The following PRKCB variants were observed in gnomAD, a reference collection of about 807,000 sequenced individuals.
The protein encoded by PRKCB is protein kinase C beta type.
PRKCB carries 13 observed loss-of-function variants against 81.5 expected under a neutral mutation model. That is an observed-to-expected ratio of 0.16 (90% confidence interval 0.10 to 0.25). The LOEUF is 0.25. Among genes scored for constraint, PRKCB ranks in the 10% least tolerant of loss-of-function variants. PRKCB has a pLI of 1.00. For missense variants in PRKCB, 509 were observed against 875.7 expected, an observed-to-expected ratio of 0.58 and a Z score of 5.29; for synonymous variants, 335 against 321.4, an observed-to-expected ratio of 1.04 and a Z score of -0.45.
chr16:24,153,315 A>G lies in PRKCB; in HGVS notation c.1066-1369A>G, dbSNP rs145371379. ...CTTAATTTCCTGCAATATGGGATTC[A>G]CAATGGCACCTACTTCCTATGATGT... On this transcript the variant is annotated intron_variant, in intron 9 of 16. Transcript: ENST00000643927. Among the ~76,000 whole-genome samples the G allele has an allele frequency of 6.4e-3, 980 of 152,328 alleles. 12 individuals carry two copies. The highest frequency in any genetic ancestry group is 0.022 in the African/African-American group (900 of 41,574).
At chr16:24,024,367 A>T (rs1003895271) in intron 3 of PRKCB, among the ~76,000 whole-genome samples, 1 of 152,172 alleles carries the variant, frequency 6.6e-6, no homozygotes, top group African/African-American at 2.4e-5. Flanking sequence ...AAAGAGTACA[A>T]TGTTTCGGAT....
At chr16:23,855,081 G>A (rs1348794139) in intron 2 of PRKCB, among the ~76,000 whole-genome samples, 3 of 151,916 alleles carry the variant, frequency 2.0e-5, no homozygotes, top group African/African-American at 7.3e-5. Flanking sequence ...CTCCCTAAAA[G>A]CTTGAGATTC....
intron 5 of PRKCB, among the ~76,000 whole-genome samples, chr16:24,084,990 G>A (rs1966294367): frequency 6.6e-6 from 1 of 152,134 alleles, no homozygotes; most frequent in African/African-American, 2.4e-5. Flanking sequence ...CACACAGGAT[G>A]TTGAAGAGAC....
intron 2 of PRKCB, among the ~76,000 whole-genome samples, chr16:23,902,744 T>TCCTCCCTC (rs1567307927): frequency 1.8e-4 from 1 of 5,650 alleles, no homozygotes; most frequent in African/African-American, 6.6e-4. Context: ...CTTCCTTCCT[T>TCCTCCCTC]CCTTCCTTCC....
intron 16 of PRKCB, among the ~76,000 whole-genome samples, chr16:24,196,418 A>G (rs1967880172): frequency 6.6e-6 from 1 of 152,196 alleles, no homozygotes; most frequent in South Asian, 2.1e-4. Flanking sequence ...GATTTTGCAA[A>G]CTGTCATGGC....
At chr16:24,150,134 C>G (rs2141950573) in intron 9 of PRKCB, among the ~76,000 whole-genome samples, 1 of 152,274 alleles carries the variant, frequency 6.6e-6, no homozygotes, top group East Asian at 1.9e-4. Context: ...AGTTTGAGAA[C>G]AGCTGGGGCA....
intron 10 of PRKCB, among the ~76,000 whole-genome samples, chr16:24,159,676 T>A (rs1368129222): frequency 3.3e-5 from 5 of 152,158 alleles, no homozygotes; most frequent in Non-Finnish European, 1.5e-5. Flanking sequence ...TAACTTCACA[T>A]TCCTGGTTTT....
chr16:23,850,802 A>G (rs1248536475), intron 2 of PRKCB, among the ~76,000 whole-genome samples: 1 of 152,002 alleles, frequency 6.6e-6, no homozygotes, highest in Admixed American at 6.5e-5. Flanking sequence ...TATCTTTTTG[A>G]TAAAAGCCAT....
chr16:24,131,015 T>C (rs1383952876), intron 9 of PRKCB, among the ~76,000 whole-genome samples: 1 of 152,188 alleles, frequency 6.6e-6, no homozygotes, highest in Non-Finnish European at 1.5e-5. Flanking sequence ...CACAAAAAAC[T>C]TCAAGTGCCT....
At chr16:23,949,191 A>G (rs1469703388) in intron 2 of PRKCB, among the ~76,000 whole-genome samples, 1 of 152,250 alleles carries the variant, frequency 6.6e-6, no homozygotes, top group Non-Finnish European at 1.5e-5. Context: ...ACCCAGAGAA[A>G]GAAAGAAAAG....
intron 16 of PRKCB, chr16:24,203,338 G>A (rs1173849557): frequency 2.0e-5 from 3 of 148,424 alleles, no homozygotes; most frequent in African/African-American, 5.3e-5. Flanking sequence ...ATCAGGGGCT[G>A]TATCTGGGGA....
rs55986931 is a variant in PRKCB, at chr16:23,950,132, A to AGTTTTTTTTTTTTTTTTTTTTTT, written c.206-38376_206-38375insGTTTTTTTTTTTTTTTTTTTTTT. On this transcript the variant is annotated intron_variant, in intron 2 of 16. Transcript: ENST00000643927. The stretch of plus-strand genomic sequence containing the variant: ...AGCAGCATTGGCCCCTATGATTTGA[A>AGTTTTTTTTTTTTTTTTTTTTTT]TTTTTTTTTTTTTTTTTTTTTTTTT... Among the ~76,000 whole-genome samples, 7 of 97,760 alleles carry AGTTTTTTTTTTTTTTTTTTTTTT rather than the reference A, an allele frequency of 7.2e-5. 3 individuals carry two copies. The highest frequency in any genetic ancestry group is 6.8e-4 in the South Asian group (2 of 2,930). The allele number at this position is 97,760 out of a possible 152,430, so 64.1% of individuals were successfully genotyped here.
chr16:23,981,960 C>T (rs1964727409), intron 2 of PRKCB, among the ~76,000 whole-genome samples: 1 of 105,464 alleles, frequency 9.5e-6, no homozygotes, highest in Non-Finnish European at 2.0e-5. Flanking sequence ...TTCCCCTTCA[C>T]TTTCCCTTCC....
intron 9 of PRKCB, among the ~76,000 whole-genome samples, chr16:24,138,845 C>CCTT (rs1555499087): frequency 1.3e-5 from 1 of 78,848 alleles, no homozygotes; most frequent in Admixed American, 1.8e-4. Context: ...CAGTATTTGT[C>CCTT]TTTTTTTTTT....
At chr16:23,852,462 A>G (rs977948833) in intron 2 of PRKCB, among the ~76,000 whole-genome samples, 1 of 152,196 alleles carries the variant, frequency 6.6e-6, no homozygotes, top group African/African-American at 2.4e-5. Flanking sequence ...CCAGGGAGAA[A>G]TCCCACTTGA....
intron 2 of PRKCB, among the ~76,000 whole-genome samples, chr16:23,878,141 T>A (rs1453654862): frequency 6.6e-6 from 1 of 152,108 alleles, no homozygotes; most frequent in Non-Finnish European, 1.5e-5. Flanking sequence ...GCCTGTCACT[T>A]CTTGTCATTC....
chr16:24,062,547 G>A (rs1965986748), intron 5 of PRKCB, among the ~76,000 whole-genome samples: 1 of 152,216 alleles, frequency 6.6e-6, no homozygotes, highest in African/African-American at 2.4e-5. Flanking sequence ...TTGTAGGCAA[G>A]GAAGATGCCA....
chr16:24,138,808 T>G (rs980605992), intron 9 of PRKCB, among the ~76,000 whole-genome samples: 4 of 151,994 alleles, frequency 2.6e-5, no homozygotes, highest in Non-Finnish European at 5.9e-5. Flanking sequence ...GTTTGACTAT[T>G]TTAGATTCCA....
rs543897172 is a variant in PRKCB, at chr16:24,092,846, C to T, written c.585C>T (p.Tyr195=). ...PMDPNGLSDP[Y]VKLKLIPDPK... is the part of the protein sequence containing the mutation. The stretch of plus-strand genomic sequence containing the variant: ...ACCCCAATGGCCTGTCAGATCCCTA[C>T]GTAAAACTGAAACTGATTCCCGATC... Residue 195 remains tyrosine, a synonymous_variant, in exon 6 of 17, where the codon TAC becomes TAT. Coordinates refer to ENST00000643927, the MANE Select transcript of PRKCB (RefSeq NM_002738.7). The T allele has an allele frequency of 1.1e-5, 17 of 1,614,042 alleles. No homozygotes were observed. Among genetic ancestry groups the T allele is most frequent in the South Asian group, 3.3e-5 (3 of 91,080 alleles).
Sources: gnomAD v4.1 joint callset for allele counts (sites outside exome capture counted in the v4.1 genomes callset) on GRCh38, gnomAD v4.1.1 for gene constraint, MANE v1.5 for transcripts, NCBI Gene and HGNC (gene_info 2026-07-23, HGNC 2026-07-21) for gene names.